Variants in PKP2 observed in about 807,000 individuals in gnomAD.
PKP2 encodes plakophilin 2, also known as plakophilin-2.
In PKP2, 73 loss-of-function variants were observed where a neutral mutation model predicts 83.4. The observed-to-expected ratio is 0.88, with a 90% CI of 0.72 to 1.06. PKP2 has a LOEUF of 1.06. Ranked by LOEUF, PKP2 falls within the 50% of genes least tolerant of loss-of-function variation. The pLI is 0.00. For synonymous variants in PKP2, 409 were observed against 430.4 expected (o/e 0.95, Z 0.62); for missense variants, 966 against 1,065.4 (o/e 0.91, Z 1.30).
intron 4 of PKP2, among the ~76,000 whole-genome samples, chr12:32,861,938 C>T (rs1956802171): frequency 1.3e-5 from 2 of 152,184 alleles, no homozygotes; most frequent in African/African-American, 4.8e-5. Flanking sequence ...CACTCTGTTG[C>T]CCAGGCTGGA....
At chr12:32,857,980 C>A (rs982478895) in intron 4 of PKP2, among the ~76,000 whole-genome samples, 2 of 141,640 alleles carry the variant, frequency 1.4e-5, no homozygotes, top group African/African-American at 5.3e-5. Context: ...ATAACGCCAG[C>A]ACTTTGAGAG....
chr12:32,876,776 C>T (rs781764205), intron 3 of PKP2, among the ~76,000 whole-genome samples: 34 of 152,190 alleles, frequency 2.2e-4, no homozygotes, highest in Non-Finnish European at 4.6e-4. Flanking sequence ...GTGATTCGCT[C>T]GCCTGGGCAT....
At chr12:32,893,614 G>A (rs1404117697) in intron 1 of PKP2, 7 of 152,136 alleles carry the variant, frequency 4.6e-5, no homozygotes, top group African/African-American at 1.7e-4. Context: ...GTACTTCTGT[G>A]TAGGCTGCAG....
At chr12:32,825,729 C>T (rs1956433158) in intron 6 of PKP2, among the ~76,000 whole-genome samples, 1 of 152,000 alleles carries the variant, frequency 6.6e-6, no homozygotes, top group Admixed American at 6.6e-5. Flanking sequence ...ATGGCTAAAC[C>T]CTGTCTCTAT....
At chr12:32,792,774 G>C in intron 11 of PKP2, 43 bp from the exon 12 acceptor site, 1 of 1,510,492 alleles carries the variant, frequency 6.6e-7, no homozygotes, top group Non-Finnish European at 9.2e-7. Context: ...GAATGAGTGA[G>C]GCTTCTGGAT....
chr12:32,856,981 C>G (rs78813735), intron 4 of PKP2, among the ~76,000 whole-genome samples: 24,927 of 152,138 alleles, frequency 0.16, 2,276 homozygotes, highest in Middle Eastern at 0.24. Context: ...AAATATCTTG[C>G]CCAAGGGCAC....
At position 32,878,542 on chromosome 12, in the gene PKP2, G is replaced by C. The variant is rs1326976875; in HGVS notation, c.338C>G (p.Ala113Gly). ...PVPKTYDMLK[A>G]GTTATYEGRW... is the part of the protein sequence containing the mutation. ...ACCTTCATAAGTGGCAGTTGTGCCAGCCTGCACATGAGAGAAATAAAGTTT... is the reference window on the plus strand; with the variant it reads ...ACCTTCATAAGTGGCAGTTGTGCCACCCTGCACATGAGAGAAATAAAGTTT... Residue 113 changes from alanine (A) to glycine (G), a missense_variant and splice_region_variant, in exon 3 of 13, where the codon GCT becomes GGT. Physicochemically the swap from Ala to Gly is moderately conservative, Grantham distance 60. Transcript: ENST00000340811. The C allele has an allele frequency of 6.2e-7, 1 of 1,610,224 alleles. No individual in the cohort carries two copies. The highest frequency in any genetic ancestry group is 8.5e-7 in the Non-Finnish European group (1 of 1,178,032).
chr12:32,890,958 A>G (rs1957071274), intron 1 of PKP2, among the ~76,000 whole-genome samples: 2 of 151,808 alleles, frequency 1.3e-5, no homozygotes, highest in Non-Finnish European at 2.9e-5. Context: ...GAAACAAAAA[A>G]AAAAAAAAAA....
At position 32,824,151 on chromosome 12, in the gene PKP2, G is replaced by A. The variant is rs1214100146; in HGVS notation, c.1568C>T (p.Ser523Phe). ...CGCTTTTCTCCCATCAGCGCCAGCA[G>A]AACTCATGTTTCTATCAGAAAAAAC... is the stretch of plus-strand genomic sequence containing the variant. ...NVTGCLRNMS[S>F]AGADGRKAMR... The change falls in exon 7 of 13, where the codon TCT becomes TTT. Residue 523 changes from serine (S) to phenylalanine (F), a missense_variant. Physicochemically the swap from Ser to Phe is radical, Grantham distance 155 (BLOSUM62 -2). Coordinates refer to ENST00000340811, the MANE Select transcript of PKP2 (RefSeq NM_001005242.3). The A allele has an allele frequency of 1.2e-6, 2 of 1,609,566 alleles. No homozygotes were observed. The highest frequency in any genetic ancestry group is 1.3e-5 in the African/African-American group (1 of 74,830).
At chr12:32,861,023 G>A (rs1047403896) in intron 4 of PKP2, among the ~76,000 whole-genome samples, 5 of 128,868 alleles carry the variant, frequency 3.9e-5, no homozygotes, top group Admixed American at 7.7e-5. Flanking sequence ...GCAAGACTCT[G>A]TCTCAAAACA....
intron 4 of PKP2, among the ~76,000 whole-genome samples, chr12:32,862,855 C>T (rs761786048): frequency 1.3e-5 from 2 of 151,826 alleles, no homozygotes; most frequent in Non-Finnish European, 2.9e-5. Context: ...AAAAATTAGC[C>T]GGGCATAGTG....
At chr12:32,851,907 T>G (rs373361425) in intron 4 of PKP2, among the ~76,000 whole-genome samples, 1 of 152,158 alleles carries the variant, frequency 6.6e-6, no homozygotes. Context: ...TCCAAATACG[T>G]AAGAAAGCGC....
chr12:32,798,896 A>G (rs112158484), intron 10 of PKP2, among the ~76,000 whole-genome samples: 2,325 of 152,328 alleles, frequency 0.015, 53 homozygotes, highest in African/African-American at 0.053. Flanking sequence ...CAAATGCAAC[A>G]AAACCAAAAA....
At chr12:32,820,216 T>C (rs1956363248) in intron 9 of PKP2, 1 of 152,258 alleles carries the variant, frequency 6.6e-6, no homozygotes, top group Non-Finnish European at 1.5e-5. Flanking sequence ...AGAATAAATA[T>C]GGTTTCTCAA....
chr12:32,849,845 G>A (rs971655119), intron 5 of PKP2, among the ~76,000 whole-genome samples: 4 of 152,288 alleles, frequency 2.6e-5, no homozygotes, highest in African/African-American at 9.6e-5. Context: ...AGGTTTCAGT[G>A]AGCTAAGGAG....
chr12:32,814,089 ACT>A (rs998823514), intron 9 of PKP2, among the ~76,000 whole-genome samples: 2 of 151,852 alleles, frequency 1.3e-5, no homozygotes, highest in African/African-American at 4.8e-5. Context: ...GACGTTTGGC[ACT>A]CTCTGTCTTC....
chr12:32,896,543 G>T lies in PKP2; in HGVS notation c.189C>A (p.Thr63=). 1 of 1,577,064 alleles carries T rather than the reference G, an allele frequency of 6.3e-7. No homozygotes were observed. The highest frequency in any genetic ancestry group is 2.3e-5 in the East Asian group (1 of 42,742). The part of the protein sequence containing the change: ...SLRIQEQVQQ[T]LARKGRSSVG... The stretch of plus-strand genomic sequence containing the variant: ...CGGAGCTGCGGCCCTTCCGGGCGAG[G>T]GTCTGCTGCACCTGCTCCTGGATCC... Residue 63 remains threonine (T), a synonymous_variant, in exon 1 of 13, where the codon ACC becomes ACA. Transcript: ENST00000340811.
intron 11 of PKP2, 125 bp from the exon 12 acceptor site, chr12:32,792,856 A>C: frequency 1.3e-6 from 1 of 762,128 alleles, no homozygotes; most frequent in Non-Finnish European, 2.4e-6. Flanking sequence ...CCATGAAGTC[A>C]GGCCACTCGG....
intron 1 of PKP2, among the ~76,000 whole-genome samples, chr12:32,879,831 CAAAA>C (rs79905789): frequency 1.9e-5 from 1 of 54,032 alleles, no homozygotes; most frequent in African/African-American, 6.8e-5. Flanking sequence ...AACTCTGTCT[CAAAA>C]AAAAAAAAAA....
Sources: gnomAD v4.1 joint callset for allele counts (sites outside exome capture counted in the v4.1 genomes callset) on GRCh38, gnomAD v4.1.1 for gene constraint, MANE v1.5 for transcripts, NCBI Gene and HGNC (gene_info 2026-07-23, HGNC 2026-07-21) for gene names.